Variants in TNIK observed in about 807,000 individuals in gnomAD.
TNIK encodes TRAF2 and NCK interacting kinase.
A neutral mutation model predicts 191.3 loss-of-function variants in TNIK; 49 were observed. The observed-to-expected ratio is 0.26, with a 90% CI of 0.20 to 0.32. The LOEUF (loss-of-function observed/expected upper bound fraction) is 0.32. Among genes scored for constraint, TNIK ranks in the 10% least tolerant of loss-of-function variants. TNIK has a pLI of 1.00. For missense variants in TNIK, 1,155 were observed against 1,702.3 expected (o/e 0.68, Z 5.66); for synonymous variants, 594 against 600.9 (o/e 0.99, Z 0.17).
At position 171,183,917 on chromosome 3, in the gene TNIK, G is replaced by A. The variant is rs558362943; in HGVS notation, c.639+4785C>T. Reference sequence around the variant, plus strand: ...GTCTAGGTGACAAGAGGTAGACTCCGTCTTAAAAAAAAAAAAAAAAAAAAA... The same window carrying A: ...GTCTAGGTGACAAGAGGTAGACTCCATCTTAAAAAAAAAAAAAAAAAAAAA... On this transcript the variant is annotated intron_variant, in intron 7 of 32. Coordinates refer to ENST00000436636, the MANE Select transcript of TNIK (RefSeq NM_015028.4). Among the ~76,000 whole-genome samples the A allele has an allele frequency of 1.3e-4, 11 of 85,492 alleles. No individual in the cohort carries two copies. The East Asian group carries it at 3.0e-3, about 23-fold the overall frequency. 56.1% of individuals were successfully genotyped at this position (85,492 alleles called of 152,430 possible).
chr3:171,246,434 T>A (rs1033802018), intron 2 of TNIK, among the ~76,000 whole-genome samples: 10 of 152,218 alleles, frequency 6.6e-5, no homozygotes, highest in African/African-American at 2.4e-4. Flanking sequence ...TAATATCTAC[T>A]ATGTCAGGTT....
intron 12 of TNIK, among the ~76,000 whole-genome samples, chr3:171,143,898 GTTC>G (rs1406579603): frequency 1.3e-5 from 2 of 152,152 alleles, no homozygotes; most frequent in Non-Finnish European, 2.9e-5. Context: ...ACTGGAGAAT[GTTC>G]TTCTAAAAAG....
chr3:171,458,012 A>G (rs568398373), intron 1 of TNIK, among the ~76,000 whole-genome samples: 8 of 152,310 alleles, frequency 5.3e-5, no homozygotes, highest in African/African-American at 1.7e-4. Flanking sequence ...GAAAAAGCCC[A>G]TAAGGGACAA....
chr3:171,221,988 A>G (rs1348013863), intron 3 of TNIK, among the ~76,000 whole-genome samples: 20 of 152,178 alleles, frequency 1.3e-4, no homozygotes, highest in Admixed American at 1.3e-3. Context: ...ACTGGCACTA[A>G]CCATTAAAAT....
At chr3:171,244,103 C>T (rs1406296662) in intron 2 of TNIK, among the ~76,000 whole-genome samples, 3 of 150,254 alleles carry the variant, frequency 2.0e-5, no homozygotes, top group African/African-American at 4.9e-5. Flanking sequence ...CTCTGTCGCC[C>T]GCCGGGGTGG....
chr3:171,302,249 C>A (rs1304086947), intron 2 of TNIK, among the ~76,000 whole-genome samples: 3 of 152,002 alleles, frequency 2.0e-5, no homozygotes, highest in Non-Finnish European at 2.9e-5. Flanking sequence ...AGGGGTCAGG[C>A]CTCATCTTAA....
chr3:171,118,313 T>G (rs1207028157), intron 18 of TNIK, among the ~76,000 whole-genome samples: 1 of 152,186 alleles, frequency 6.6e-6, no homozygotes, highest in Non-Finnish European at 1.5e-5. Flanking sequence ...GGAAGAGCAT[T>G]TCATGCTCAT....
chr3:171,447,404 A>G (rs1165121780), intron 1 of TNIK, among the ~76,000 whole-genome samples: 1 of 152,190 alleles, frequency 6.6e-6, no homozygotes, highest in South Asian at 2.1e-4. Context: ...AAACACCACT[A>G]TGCTCATGAA....
At chr3:171,244,845 AAATTT>A (rs1745413539) in intron 2 of TNIK, among the ~76,000 whole-genome samples, 1 of 150,420 alleles carries the variant, frequency 6.6e-6, no homozygotes, top group Non-Finnish European at 1.5e-5. Context: ...AAAATTATTT[AAATTT>A]AATAATTTTA....
chr3:171,434,603 G>A (rs1725793978), intron 1 of TNIK, among the ~76,000 whole-genome samples: 2 of 151,924 alleles, frequency 1.3e-5, no homozygotes, highest in Admixed American at 1.3e-4. Context: ...GACTACAGGT[G>A]CATACCACTA....
At chr3:171,398,365 T>C (rs1024427335) in intron 1 of TNIK, among the ~76,000 whole-genome samples, 2 of 152,220 alleles carry the variant, frequency 1.3e-5, no homozygotes, top group African/African-American at 4.8e-5. Flanking sequence ...AAAATACATG[T>C]TACGAAATTG....
rs757966709 is a variant in TNIK, at chr3:171,239,815, C to T, written c.124-11594G>A. Among the ~76,000 whole-genome samples the T allele has an allele frequency of 3.7e-4, 57 of 152,156 alleles. 1 individual carries two copies. The highest frequency in any genetic ancestry group is 3.3e-4 in the Admixed American group (5 of 15,274). ...GCAATTTGTCAGCAAACACATCCAT[C>T]CCTGGGAAGCTAGTTGCTGGGAGTA... is the stretch of plus-strand genomic sequence containing the variant. On this transcript the variant is annotated intron_variant, in intron 2 of 32. Transcript: ENST00000436636.
intron 12 of TNIK, among the ~76,000 whole-genome samples, chr3:171,154,090 CTCATGCTTAAAAACA>C (rs565140895): frequency 3.0e-4 from 45 of 152,222 alleles, no homozygotes; most frequent in African/African-American, 1.0e-3. Context: ...GCTTAAAAAC[CTCATGCTTAAAAACA>C]ACAACAACAA....
chr3:171,302,478 C>A (rs771326000), intron 2 of TNIK, among the ~76,000 whole-genome samples: 1 of 152,216 alleles, frequency 6.6e-6, no homozygotes, highest in Non-Finnish European at 1.5e-5. Flanking sequence ...ACTTCAGGGG[C>A]AATGTCAGTG....
intron 23 of TNIK, among the ~76,000 whole-genome samples, chr3:171,092,928 T>A (rs866357125): frequency 9.9e-5 from 15 of 152,240 alleles, no homozygotes; most frequent in Non-Finnish European, 1.9e-4. Flanking sequence ...AAAAGGAGAA[T>A]TCATTTCCGA....
chr3:171,181,271 G>C (rs1280899334), intron 7 of TNIK, among the ~76,000 whole-genome samples: 1 of 152,226 alleles, frequency 6.6e-6, no homozygotes, highest in Non-Finnish European at 1.5e-5. Flanking sequence ...TGCATGTATT[G>C]ATCAGGTATG....
At chr3:171,105,443 G>A (rs1206012221) in intron 21 of TNIK, among the ~76,000 whole-genome samples, 2 of 152,186 alleles carry the variant, frequency 1.3e-5, no homozygotes, top group Non-Finnish European at 2.9e-5. Context: ...AAGGGAAGAG[G>A]AGTGGAGGAA....
In TNIK at chr3:171,211,009, G is replaced by A. The variant is rs548699204; in HGVS notation, c.306+107C>T. 152 of 1,409,716 alleles carry A rather than the reference G, an allele frequency of 1.1e-4. 1 individual carries two copies. In the South Asian group the frequency reaches 1.4e-3, roughly 13 times the overall value. The allele number at this position is 1,409,716 out of a possible 1,614,324, so 87.3% of individuals were successfully genotyped here. On this transcript the variant is annotated intron_variant, in intron 4 of 32. Coordinates refer to ENST00000436636, the MANE Select transcript of TNIK (RefSeq NM_015028.4). ...TGTTACGGACATCATGGGGGCTAAT[G>A]GTTAAAGAAGGAGTTAATCAAATTT...
chr3:171,147,824 G>A (rs1254774961), intron 12 of TNIK, among the ~76,000 whole-genome samples: 1 of 152,072 alleles, frequency 6.6e-6, no homozygotes, highest in Non-Finnish European at 1.5e-5. Flanking sequence ...TAAGTGCGAG[G>A]CCAGGATTTA....
Sources: gnomAD v4.1 joint callset for allele counts (sites outside exome capture counted in the v4.1 genomes callset) on GRCh38, gnomAD v4.1.1 for gene constraint, MANE v1.5 for transcripts, NCBI Gene and HGNC (gene_info 2026-07-23, HGNC 2026-07-21) for gene names.